Variants in SYNPR observed in about 807,000 individuals in gnomAD.
SYNPR encodes the protein synaptoporin.
SYNPR carries 23 observed loss-of-function variants against 32.9 expected under a neutral mutation model. That is an observed-to-expected ratio of 0.70 (90% CI 0.50 to 0.99). The LOEUF (loss-of-function observed/expected upper bound fraction) is 0.99. Among genes scored for constraint, SYNPR ranks in the 50% least tolerant of loss-of-function variants. The pLI is 0.00. For missense variants in SYNPR, 318 were observed against 349.3 expected, an observed-to-expected ratio of 0.91 and a Z score of 0.71; for synonymous variants, 146 against 135.9, an observed-to-expected ratio of 1.07 and a Z score of -0.52.
chr3:63,356,592 C>T (rs2087580848), intron 2 of SYNPR, among the ~76,000 whole-genome samples: 2 of 152,182 alleles, frequency 1.3e-5, no homozygotes, highest in South Asian at 2.1e-4. Context: ...TCAGTGCCCT[C>T]CTCAGTTCTC....
At chr3:63,494,146 T>G (rs1701311369) in intron 3 of SYNPR, among the ~76,000 whole-genome samples, 1 of 151,686 alleles carries the variant, frequency 6.6e-6, no homozygotes, top group Non-Finnish European at 1.5e-5. Flanking sequence ...TTTTATTTTT[T>G]GTTATTTTCA....
chr3:63,510,915 C>CTGTGTGTGTGTGCGTG (rs1701684321), intron 3 of SYNPR, among the ~76,000 whole-genome samples: 1 of 149,100 alleles, frequency 6.7e-6, no homozygotes, highest in Admixed American at 6.7e-5. Flanking sequence ...AAAGGTACAA[C>CTGTGTGTGTGTGCGTG]TGTGTGTGTG....
chr3:63,480,919 A>G lies in SYNPR; in HGVS notation c.172A>G (p.Asn58Asp), dbSNP rs766712538. ...SVDCVNKTESNLSIDIAFAYP... is the reference protein window; with the variant it reads ...SVDCVNKTESDLSIDIAFAYP... Reference sequence around the variant, plus strand: ...GGACTGCGTCAACAAGACAGAAAGTAACCTCAGCATCGACATAGCGTTTGC... The same window carrying G: ...GGACTGCGTCAACAAGACAGAAAGTGACCTCAGCATCGACATAGCGTTTGC... The change falls in exon 3 of 6, where the codon AAC becomes GAC. Residue 58 changes from asparagine to aspartate, a missense_variant. Physicochemically the swap from Asn to Asp is conservative, Grantham distance 23 (BLOSUM62 1). Coordinates refer to ENST00000478300, the MANE Select transcript of SYNPR (RefSeq NM_001130003.2). 10 of 1,613,352 alleles carry G rather than the reference A, an allele frequency of 6.2e-6. No individual in the cohort carries two copies. The Admixed American group carries it at 1.7e-4, about 27-fold the overall frequency.
chr3:63,491,326 C>G (rs1701253947), intron 3 of SYNPR, among the ~76,000 whole-genome samples: 1 of 151,976 alleles, frequency 6.6e-6, no homozygotes, highest in Non-Finnish European at 1.5e-5. Context: ...CAATTAGCTA[C>G]ACAGGGTTTG....
intron 4 of SYNPR, among the ~76,000 whole-genome samples, chr3:63,586,072 A>G (rs1412185844): frequency 6.6e-6 from 1 of 152,090 alleles, no homozygotes; most frequent in African/African-American, 2.4e-5. Flanking sequence ...GTCAGACTGA[A>G]TTTAAGCTGT....
intron 2 of SYNPR, among the ~76,000 whole-genome samples, chr3:63,377,339 A>T (rs1306790506): frequency 1.3e-5 from 2 of 152,098 alleles, no homozygotes; most frequent in African/African-American, 2.4e-5. Context: ...TGAAATGTAC[A>T]GTTCTAGGTT....
chr3:63,527,207 G>A (rs887690691), intron 3 of SYNPR, among the ~76,000 whole-genome samples: 4 of 152,090 alleles, frequency 2.6e-5, no homozygotes, highest in African/African-American at 9.7e-5. Context: ...ATTCTGAATG[G>A]AATGTATAGG....
intron 2 of SYNPR, among the ~76,000 whole-genome samples, chr3:63,422,279 CT>C (rs553306291): frequency 1.3e-5 from 2 of 152,122 alleles, no homozygotes; most frequent in Admixed American, 1.3e-4. Flanking sequence ...GTTCTCCCTT[CT>C]TTTTAAAATG....
intron 3 of SYNPR, among the ~76,000 whole-genome samples, chr3:63,548,990 T>C (rs939942475): frequency 1.3e-5 from 2 of 152,206 alleles, no homozygotes; most frequent in Non-Finnish European, 2.9e-5. Context: ...TAAAGATAAA[T>C]CTGTGCTTTG....
At chr3:63,351,109 GTTGGT>G (rs1174887982) in intron 2 of SYNPR, among the ~76,000 whole-genome samples, 1 of 152,082 alleles carries the variant, frequency 6.6e-6, no homozygotes, top group Non-Finnish European at 1.5e-5. Context: ...CCTGATCTTC[GTTGGT>G]TTTACAGGAG....
rs562011787 is a variant in SYNPR, at chr3:63,298,851, G to T, written c.84+20109G>T. On this transcript the variant is annotated intron_variant, in intron 2 of 5. Transcript: ENST00000478300. ...TAATCCCATTGGGGACTCTGGGACC[G>T]GTGTAGAACATACCTTGGCTACAAT... 2.0e-5 allele frequency among the ~76,000 whole-genome samples: 3 copies of T among 152,108 alleles called. 1 individual carries two copies. Among genetic ancestry groups the T allele is most frequent in the African/African-American group, 7.2e-5 (3 of 41,424 alleles).
intron 2 of SYNPR, among the ~76,000 whole-genome samples, chr3:63,389,270 G>A (rs1300332978): frequency 1.3e-5 from 2 of 149,050 alleles, no homozygotes; most frequent in Non-Finnish European, 3.0e-5. Context: ...TCTACCTTAA[G>A]CATAAAAAAT....
intron 1 of SYNPR, among the ~76,000 whole-genome samples, chr3:63,228,923 C>A (rs997040966): frequency 6.7e-6 from 1 of 149,462 alleles, no homozygotes; most frequent in Non-Finnish European, 1.5e-5. Context: ...CTATTTCATG[C>A]GCTTCTCCAA....
At chr3:63,204,221 T>G in the SYNPR span, among the ~76,000 whole-genome samples, 2 of 152,170 alleles carry the variant, frequency 1.3e-5, no homozygotes, top group South Asian at 4.1e-4. Context: ...CTCACAATTG[T>G]AAAGACTACA....
At chr3:63,398,560 A>G (rs1170170745) in intron 2 of SYNPR, among the ~76,000 whole-genome samples, 1 of 151,914 alleles carries the variant, frequency 6.6e-6, no homozygotes, top group Non-Finnish European at 1.5e-5. Flanking sequence ...ATATTAAAAA[A>G]AAAAAAAATT....
chr3:63,510,739 G>T (rs969820922), intron 3 of SYNPR, among the ~76,000 whole-genome samples: 3 of 152,026 alleles, frequency 2.0e-5, no homozygotes, highest in Non-Finnish European at 4.4e-5. Flanking sequence ...GGGGTTTTTT[G>T]TGTGTTTTTT....
chr3:63,450,527 G>A (rs981669991), intron 2 of SYNPR, among the ~76,000 whole-genome samples: 2 of 152,140 alleles, frequency 1.3e-5, no homozygotes. Flanking sequence ...CTGGCATATG[G>A]ATCTGGCTCA....
intron 2 of SYNPR, among the ~76,000 whole-genome samples, chr3:63,361,670 C>T (rs2087663859): frequency 6.6e-6 from 1 of 151,372 alleles, no homozygotes; most frequent in African/African-American, 2.4e-5. Context: ...ATTACCTCCT[C>T]ATAAGATTAT....
intron 4 of SYNPR, among the ~76,000 whole-genome samples, chr3:63,601,947 C>G (rs1173193288): frequency 6.6e-6 from 1 of 152,140 alleles, no homozygotes; most frequent in African/African-American, 2.4e-5. Context: ...ACGCTCCTAC[C>G]AACAGTGTAT....
Sources: gnomAD v4.1 joint callset for allele counts (sites outside exome capture counted in the v4.1 genomes callset) on GRCh38, gnomAD v4.1.1 for gene constraint, MANE v1.5 for transcripts, NCBI Gene and HGNC (gene_info 2026-07-23, HGNC 2026-07-21) for gene names.